Variants in HECTD2 observed in about 807,000 individuals in gnomAD.
HECTD2 encodes the protein probable E3 ubiquitin-protein ligase HECTD2.
Under a neutral mutation model 103.2 loss-of-function variants are expected in HECTD2, and 35 were observed. The observed-to-expected ratio is 0.34, with a 90% CI of 0.26 to 0.45. HECTD2 has a LOEUF of 0.45. Ranked by LOEUF, HECTD2 falls within the 20% of genes least tolerant of loss-of-function variation. HECTD2 has a pLI of 1.00. For missense variants in HECTD2, 596 were observed against 937.4 expected (o/e 0.64, Z 4.76); for synonymous variants, 281 against 329.9 (o/e 0.85, Z 1.61).
At chr10:91,450,638 C>T (rs760748071) in intron 2 of HECTD2, among the ~76,000 whole-genome samples, 4 of 151,182 alleles carry the variant, frequency 2.6e-5, no homozygotes, top group Non-Finnish European at 5.9e-5. Context: ...TGACAAAGGG[C>T]TAATATCCAG....
Position 91,454,077 on chromosome 10 carries a change from A to G in HECTD2, c.269-6350A>G, listed in dbSNP as rs141320148. On this transcript the variant is annotated intron_variant, in intron 2 of 20. Transcript: ENST00000298068. ...TGAACCCAGAAACAAAAAAATCCAC[A>G]ATTAGGTATTGAAGTCTCCAACTGT... Among the ~76,000 whole-genome samples the G allele has an allele frequency of 3.4e-3, 522 of 152,218 alleles. 4 individuals are homozygous for G. The highest frequency in any genetic ancestry group is 7.1e-3 in the South Asian group (34 of 4,816).
intron 10 of HECTD2, chr10:91,486,443 G>A (rs1846269730): frequency 6.6e-6 from 1 of 152,066 alleles, no homozygotes; most frequent in South Asian, 2.1e-4. Flanking sequence ...TTAATATAGA[G>A]CTTCCTCTAA....
intron 20 of HECTD2, among the ~76,000 whole-genome samples, chr10:91,502,534 A>G (rs994207885): frequency 6.6e-6 from 1 of 152,214 alleles, no homozygotes; most frequent in Non-Finnish European, 1.5e-5. Flanking sequence ...CACACATGGT[A>G]AGTGCCCAAT....
At chr10:91,469,063 AAAAT>A (rs1405870951) in intron 5 of HECTD2, among the ~76,000 whole-genome samples, 1 of 152,086 alleles carries the variant, frequency 6.6e-6, no homozygotes, top group Non-Finnish European at 1.5e-5. Flanking sequence ...ACAAAAATAA[AAAAT>A]AAAGAAGAAT....
rs1328072519 is a variant in HECTD2 at position 91,425,473 on chromosome 10, CATT to C, written c.268+65_268+67del. The C allele has an allele frequency of 3.3e-6, 4 of 1,229,518 alleles. No individual in the cohort carries two copies. The Admixed American group carries it at 8.0e-5, about 25-fold the overall frequency. The allele number at this position is 1,229,518 out of a possible 1,614,324, so 76.2% of individuals were successfully genotyped here. A position where few individuals can be genotyped will look rare whatever the true frequency, so the allele number is the denominator to read the frequency against. ...TTTTTAAATTATTTTTAAAAGTAGA[CATT>C]AATTATTCAGCATTGTTCTGATAGG... On this transcript the variant is annotated intron_variant, in intron 2 of 20. Transcript: ENST00000298068.
chr10:91,487,755 C>A lies in HECTD2; in HGVS notation c.1168C>A (p.Gln390Lys). ...KKIIIQRDSE[Q>K]QMINIARQSL... is the part of the protein sequence containing the mutation. Reference sequence around the variant, plus strand: ...AATCATTATTCAGAGAGACTCAGAGCAACAGATGATAAACATCGCAAGGGT... The same window carrying A: ...AATCATTATTCAGAGAGACTCAGAGAAACAGATGATAAACATCGCAAGGGT... The change falls in exon 11 of 21, where the codon CAA becomes AAA. Residue 390 changes from glutamine to lysine, a missense_variant. Transcript: ENST00000298068. The surrounding 1 kb of genome is among the most constrained non-coding windows in gnomAD (Gnocchi z 4.1). 1 of 1,607,566 alleles carries A rather than the reference C, an allele frequency of 6.2e-7. No individual in the cohort carries two copies.
intron 20 of HECTD2, among the ~76,000 whole-genome samples, chr10:91,508,282 T>G (rs1847275647): frequency 7.3e-6 from 1 of 136,244 alleles, no homozygotes; most frequent in South Asian, 2.5e-4. Flanking sequence ...GGGATCTAAT[T>G]AAACTAAAGA....
chr10:91,414,387 G>A (rs1174283306), intron 1 of HECTD2, among the ~76,000 whole-genome samples: 1 of 152,222 alleles, frequency 6.6e-6, no homozygotes, highest in Admixed American at 6.5e-5. Context: ...CTTATCAGTT[G>A]TGTATAAATG....
intron 14 of HECTD2, 26 bp from the exon 15 acceptor site, chr10:91,496,188 T>G (rs768060326): frequency 6.5e-7 from 1 of 1,548,582 alleles, no homozygotes; most frequent in Non-Finnish European, 8.8e-7. Flanking sequence ...GATTTTATGT[T>G]AATGCTTAAC....
chr10:91,510,278 G>A (rs1178477257), intron 20 of HECTD2, among the ~76,000 whole-genome samples: 1 of 152,174 alleles, frequency 6.6e-6, no homozygotes, highest in South Asian at 2.1e-4. Context: ...GAATGGCCAA[G>A]ATTGCAAAGC....
At chr10:91,453,393 C>G (rs1005654859) in intron 2 of HECTD2, among the ~76,000 whole-genome samples, 1 of 152,228 alleles carries the variant, frequency 6.6e-6, no homozygotes, top group South Asian at 2.1e-4. Context: ...GTCACACCAC[C>G]ACACCCCATC....
rs61035151 is a variant in HECTD2 at position 91,490,890 on chromosome 10, CAAAAAAAAAAAAAAAAA to C, written c.1192-297_1192-281del. Among the ~76,000 whole-genome samples, 5 of 13,616 alleles carry C rather than the reference CAAAAAAAAAAAAAAAAA, an allele frequency of 3.7e-4. No individual in the cohort carries two copies. In the Admixed American group the frequency reaches 4.3e-3, roughly 12 times the overall value. The allele number at this position is 13,616 out of a possible 152,430, so 8.9% of individuals were successfully genotyped here. ...TGGGCGAAAGAGTGAGACTCCGTCT[CAAAAAAAAAAAAAAAAA>C]AAAAAAAAAAAAGAGATGAGACATA... On this transcript the variant is annotated intron_variant, in intron 11 of 20. Transcript: ENST00000298068.
intron 5 of HECTD2, chr10:91,463,773 G>A (rs2133212185): frequency 6.6e-6 from 1 of 152,142 alleles, no homozygotes; most frequent in East Asian, 1.9e-4. Flanking sequence ...TAATAAAATT[G>A]TTTCAAAAAC....
intron 10 of HECTD2, chr10:91,485,543 G>T (rs1846236205): frequency 2.8e-6 from 1 of 354,940 alleles, no homozygotes; most frequent in Non-Finnish European, 5.0e-6. Flanking sequence ...GAAGGGAGAG[G>T]TTCTATCTTA....
intron 2 of HECTD2, among the ~76,000 whole-genome samples, chr10:91,443,393 G>C (rs1490856614): frequency 6.8e-6 from 1 of 148,144 alleles, no homozygotes; most frequent in Admixed American, 6.7e-5. Context: ...TGTTTGCCTG[G>C]GTATGGCACA....
chr10:91,496,979 A>G (rs1433315790), intron 15 of HECTD2, among the ~76,000 whole-genome samples: 3 of 145,162 alleles, frequency 2.1e-5, no homozygotes, highest in Non-Finnish European at 4.5e-5. Flanking sequence ...TTTTTTTTTG[A>G]GACAGAATCT....
At chr10:91,478,653 C>T (rs1458365532) in intron 6 of HECTD2, among the ~76,000 whole-genome samples, 7 of 151,868 alleles carry the variant, frequency 4.6e-5, no homozygotes, top group Non-Finnish European at 8.8e-5. Flanking sequence ...ATTATAGGGA[C>T]GCCTAAGGCC....
chr10:91,424,329 T>C (rs569713191), intron 1 of HECTD2, among the ~76,000 whole-genome samples: 1 of 152,252 alleles, frequency 6.6e-6, no homozygotes, highest in South Asian at 2.1e-4. Flanking sequence ...CTATATTATA[T>C]GAGTGAATTC....
At chr10:91,455,869 G>A (rs1263151841) in intron 2 of HECTD2, among the ~76,000 whole-genome samples, 1 of 152,020 alleles carries the variant, frequency 6.6e-6, no homozygotes, top group Non-Finnish European at 1.5e-5. Flanking sequence ...GTTTGTCAAA[G>A]ATCAGATGGT....
Sources: gnomAD v4.1 joint callset for allele counts (sites outside exome capture counted in the v4.1 genomes callset) on GRCh38, gnomAD v4.1.1 for gene constraint, Gnocchi (gnomAD v3.1) non-coding constraint, MANE v1.5 for transcripts, NCBI Gene and HGNC (gene_info 2026-07-23, HGNC 2026-07-21) for gene names.